NTN1: variants seen among roughly 807,000 people sequenced by gnomAD.
NTN1 encodes netrin 1.
A neutral mutation model predicts 54.2 loss-of-function variants in NTN1; 11 were observed. That is an observed-to-expected ratio of 0.20 (90% CI 0.13 to 0.34). NTN1 has a LOEUF of 0.34. Among genes scored for constraint, NTN1 ranks in the 10% least tolerant of loss-of-function variants. NTN1 has a pLI of 1.00. For synonymous variants in NTN1, 371 were observed against 382.0 expected, an observed-to-expected ratio of 0.97 and a Z score of 0.33; for missense variants, 740 against 893.1, an observed-to-expected ratio of 0.83 and a Z score of 2.18.
intron 2 of NTN1, among the ~76,000 whole-genome samples, chr17:9,133,333 G>A (rs1330981923): frequency 3.3e-5 from 5 of 152,250 alleles, no homozygotes; most frequent in Admixed American, 2.6e-4. Flanking sequence ...GCCAAGACCA[G>A]GAGGTCAGGT....
At chr17:9,066,883 C>G (rs570190805) in intron 2 of NTN1, among the ~76,000 whole-genome samples, 1 of 151,956 alleles carries the variant, frequency 6.6e-6, no homozygotes, top group South Asian at 2.1e-4. Context: ...TGCCTGCAAT[C>G]CCAGCTACTT....
intron 2 of NTN1, among the ~76,000 whole-genome samples, chr17:9,100,470 G>T (rs1288354309): frequency 6.6e-6 from 1 of 151,308 alleles, no homozygotes; most frequent in Non-Finnish European, 1.5e-5. Context: ...GCCAAATTTT[G>T]TCTTTTTTTT....
intron 2 of NTN1, among the ~76,000 whole-genome samples, chr17:9,093,624 T>C (rs1007336826): frequency 2.6e-5 from 4 of 152,210 alleles, no homozygotes; most frequent in Non-Finnish European, 5.9e-5. Flanking sequence ...CCTCTCAAAG[T>C]GTAGGATTAC....
At chr17:9,203,127 T>C (rs1297208727) in intron 5 of NTN1, among the ~76,000 whole-genome samples, 2 of 151,838 alleles carry the variant, frequency 1.3e-5, no homozygotes, top group Non-Finnish European at 2.9e-5. Context: ...TTCACCATGT[T>C]AGCCAGGATG....
intron 6 of NTN1, among the ~76,000 whole-genome samples, chr17:9,228,185 G>C (rs987515196): frequency 6.6e-6 from 1 of 152,194 alleles, no homozygotes; most frequent in East Asian, 1.9e-4. Context: ...CACACACACG[G>C]TGTGGCCCAT....
chr17:9,123,247 TTTGA>T (rs1297208803), intron 2 of NTN1, among the ~76,000 whole-genome samples: 5 of 152,204 alleles, frequency 3.3e-5, no homozygotes, highest in Admixed American at 3.3e-4. Flanking sequence ...AAAAGTGATA[TTTGA>T]TTGTTTTCAT....
chr17:9,035,244 A>C (rs978666975), intron 2 of NTN1, among the ~76,000 whole-genome samples: 2 of 151,938 alleles, frequency 1.3e-5, no homozygotes, highest in Non-Finnish European at 2.9e-5. Flanking sequence ...CCGTGCCCAG[A>C]CGGGTTTTGA....
intron 2 of NTN1, among the ~76,000 whole-genome samples, chr17:9,110,634 C>CAT (rs998090510): frequency 2.6e-5 from 4 of 152,178 alleles, no homozygotes; most frequent in Non-Finnish European, 5.9e-5. Flanking sequence ...CGAGTTACCA[C>CAT]AAACTGGGTG....
intron 2 of NTN1, among the ~76,000 whole-genome samples, chr17:9,131,154 A>T (rs1489460422): frequency 6.6e-6 from 1 of 152,014 alleles, no homozygotes; most frequent in Non-Finnish European, 1.5e-5. Context: ...CTCACATCTT[A>T]ACTTCTTTAA....
intron 2 of NTN1, among the ~76,000 whole-genome samples, chr17:9,026,397 G>GTT (rs1555562111): frequency 6.7e-6 from 1 of 150,222 alleles, no homozygotes; most frequent in Non-Finnish European, 1.5e-5. Flanking sequence ...CTTCCGGGGG[G>GTT]GGGGAACAAA....
Position 9,031,738 on chromosome 17 carries a change from A to G in NTN1, c.1018+8347A>G, listed in dbSNP as rs139242098. ...GGCAGGCAGATTATTTGAGGTCGGG[A>G]GTTCGAGACCAGCCTGGCCAACATG... On this transcript the variant is annotated intron_variant, in intron 2 of 6. Transcript: ENST00000173229. Among the ~76,000 whole-genome samples, 644 of 152,268 alleles carry G rather than the reference A, an allele frequency of 4.2e-3. 4 individuals carry two copies. The highest frequency in any genetic ancestry group is 0.015 in the African/African-American group (606 of 41,548).
intron 2 of NTN1, among the ~76,000 whole-genome samples, chr17:9,131,408 G>A (rs4791337): frequency 0.16 from 24,277 of 152,026 alleles, 2,120 homozygotes; most frequent in East Asian, 0.26. Flanking sequence ...TGTGCCTGGC[G>A]CATAGGCTTT....
chr17:9,236,779 T>G (rs1173656879), intron 6 of NTN1, among the ~76,000 whole-genome samples: 4 of 152,170 alleles, frequency 2.6e-5, no homozygotes, highest in Admixed American at 2.6e-4. Flanking sequence ...TGTTAGGCAG[T>G]TAAGCAGGTC....
intron 3 of NTN1, among the ~76,000 whole-genome samples, chr17:9,170,508 G>A (rs568296017): frequency 1.3e-5 from 2 of 152,310 alleles, no homozygotes; most frequent in East Asian, 3.9e-4. Flanking sequence ...ATTCCCACAG[G>A]ACTGGGCAGG....
the NTN1 span, among the ~76,000 whole-genome samples, chr17:9,004,790 T>G: frequency 6.6e-6 from 1 of 152,166 alleles, no homozygotes; most frequent in African/African-American, 2.4e-5. Flanking sequence ...TTTCACCCAG[T>G]GGAATCCTGC....
At chr17:9,186,079 A>T (rs1040172787) in intron 5 of NTN1, among the ~76,000 whole-genome samples, 2 of 152,072 alleles carry the variant, frequency 1.3e-5, no homozygotes, top group Non-Finnish European at 2.9e-5. Flanking sequence ...CACTTCTCCC[A>T]CATCCCAGGC....
At chr17:9,124,448 T>C (rs1052991821) in intron 2 of NTN1, among the ~76,000 whole-genome samples, 3 of 152,182 alleles carry the variant, frequency 2.0e-5, no homozygotes, top group African/African-American at 7.2e-5. Context: ...GCCGGCTGGG[T>C]GGTCTGCCCA....
chr17:9,022,743 A>C lies in NTN1; in HGVS notation c.370A>C (p.Asn124His). ...PHNLTCWQSENYLQFPHNVTL... is the reference protein window; with the variant it reads ...PHNLTCWQSEHYLQFPHNVTL... Reference sequence around the variant, plus strand: ...CAACCTGACGTGCTGGCAGTCCGAGAACTACCTGCAGTTCCCGCACAACGT... The same window carrying C: ...CAACCTGACGTGCTGGCAGTCCGAGCACTACCTGCAGTTCCCGCACAACGT... Residue 124 changes from asparagine (N) to histidine (H), a missense_variant, in exon 2 of 7, where the codon AAC becomes CAC. Transcript: ENST00000173229. 6.2e-7 allele frequency: 1 copy of C among 1,608,876 alleles called. No individual in the cohort carries two copies. The highest frequency in any genetic ancestry group is 8.5e-7 in the Non-Finnish European group (1 of 1,178,336).
intron 2 of NTN1, among the ~76,000 whole-genome samples, chr17:9,033,734 A>G (rs1346132609): frequency 6.6e-6 from 1 of 152,190 alleles, no homozygotes. Flanking sequence ...CCAGACCAAC[A>G]TGGAGAAACC....
Sources: allele counts gnomAD v4.1 joint callset (sites outside exome capture counted in the v4.1 genomes callset), GRCh38; gene constraint gnomAD v4.1.1; transcripts MANE v1.5; gene names NCBI Gene and HGNC (gene_info 2026-07-23, HGNC 2026-07-21).